The following LAMC3 variants were observed in gnomAD, a reference collection of about 807,000 sequenced individuals.
The protein encoded by LAMC3 is laminin subunit gamma-3.
LAMC3 carries 128 observed loss-of-function variants against 173.8 expected under a neutral mutation model. The observed-to-expected ratio is 0.74, with a 90% CI of 0.64 to 0.85. The LOEUF (loss-of-function observed/expected upper bound fraction) is 0.85, where lower values mean the gene tolerates loss of function less well. LAMC3 is among the 40% of genes least tolerant of loss of function. The pLI is 0.00. For missense variants in LAMC3, 2,022 were observed against 2,156.0 expected (o/e 0.94, Z 1.23); for synonymous variants, 897 against 909.1 (o/e 0.99, Z 0.24).
intron 2 of LAMC3, 49 bp from the exon 3 acceptor site, chr9:131,031,996 A>G (rs1393032070): frequency 1.2e-6 from 2 of 1,613,120 alleles, no homozygotes; most frequent in South Asian, 1.1e-5. Context: ...GGGGGTAAAT[A>G]CTAAATACTC....
At chr9:131,025,405 C>T (rs1833697809) in intron 1 of LAMC3, among the ~76,000 whole-genome samples, 1 of 152,124 alleles carries the variant, frequency 6.6e-6, no homozygotes, top group African/African-American at 2.4e-5. Flanking sequence ...AGGATGCTTC[C>T]AGGGTGGAGC....
chr9:131,065,055 AAAAAG>A (rs1390364907), intron 13 of LAMC3, among the ~76,000 whole-genome samples: 3 of 141,892 alleles, frequency 2.1e-5, no homozygotes, highest in South Asian at 2.4e-4. Flanking sequence ...AAAAAAAAAA[AAAAAG>A]AAAAGGAAAG....
chr9:131,024,563 G>T (rs1833685768), intron 1 of LAMC3, among the ~76,000 whole-genome samples: 1 of 152,160 alleles, frequency 6.6e-6, no homozygotes, highest in South Asian at 2.1e-4. Context: ...TGGGACCAGG[G>T]AAGGAAGGAT....
In LAMC3 at chr9:131,069,866, C is replaced by T; in HGVS notation, c.3069+16C>T. On this transcript the variant is annotated intron_variant, in intron 17 of 27. Transcript: ENST00000361069. ...GAAGGAGGAGGTGAGTCGGCCCAGA[C>T]CCACTCACCTTTCCATTCATTCTGT... is the stretch of plus-strand genomic sequence containing the variant. The T allele has an allele frequency of 6.4e-7, 1 of 1,571,848 alleles. No individual in the cohort carries two copies.
chr9:131,051,199 A>G (rs1362824768), intron 9 of LAMC3, among the ~76,000 whole-genome samples: 2 of 152,152 alleles, frequency 1.3e-5, no homozygotes, highest in Non-Finnish European at 2.9e-5. Flanking sequence ...AATAGGGGGA[A>G]GTACTATTAA....
In LAMC3 at chr9:131,032,040, C is replaced by T. The variant is rs773649632; in HGVS notation, c.679-5C>T. The T allele has an allele frequency of 2.5e-6, 4 of 1,614,082 alleles. No homozygotes were observed. In the Admixed American group the frequency reaches 5.0e-5, roughly 20 times the overall value. On this transcript the variant is annotated splice_polypyrimidine_tract_variant and splice_region_variant and intron_variant, in intron 2 of 27. Coordinates refer to ENST00000361069, the MANE Select transcript of LAMC3 (RefSeq NM_006059.4). The stretch of plus-strand genomic sequence containing the variant: ...GCTGATGGCACCCTCTCCCCTCTGC[C>T]CCAGGAGTGGGTCACCAGCACCGAA...
rs1257344635 is a variant in LAMC3, at chr9:131,091,465, CAG to C, written c.4478-71_4478-70del. ...GGGAGGCCTGAGCTGGGGAGAGGCTCAGGGGCTGGGAGGTGCCCTGGGGCCTG... is the reference window on the plus strand; with the variant it reads ...GGGAGGCCTGAGCTGGGGAGAGGCTCGGGCTGGGAGGTGCCCTGGGGCCTG... On this transcript the variant is annotated intron_variant, in intron 27 of 27. Transcript: ENST00000361069. 9 of 1,543,996 alleles carry C rather than the reference CAG, an allele frequency of 5.8e-6. No homozygotes were observed. The African/African-American group carries it at 9.6e-5, about 16-fold the overall frequency.
At chr9:131,071,255 G>T (rs572335849) in intron 17 of LAMC3, among the ~76,000 whole-genome samples, 14 of 152,174 alleles carry the variant, frequency 9.2e-5, no homozygotes, top group Non-Finnish European at 1.8e-4. Context: ...ACAGCAGTGT[G>T]GTCAGCGGTG....
intron 1 of LAMC3, among the ~76,000 whole-genome samples, chr9:131,021,484 CTG>C (rs1156478555): frequency 6.6e-6 from 1 of 152,142 alleles, no homozygotes; most frequent in Non-Finnish European, 1.5e-5. Context: ...ATATATATAA[CTG>C]TGTAGGGAAA....
At position 131,052,587 on chromosome 9, in the gene LAMC3, G is replaced by A. The variant is rs773561591; in HGVS notation, c.1727G>A (p.Arg576Lys). 6.2e-7 allele frequency: 1 copy of A among 1,614,098 alleles called. No homozygotes were observed. Among genetic ancestry groups the A allele is most frequent in the East Asian group, 2.2e-5 (1 of 44,862 alleles). Residue 576 changes from arginine (R) to lysine (K), a missense_variant, in exon 10 of 28, where the codon AGG (arginine) becomes AAG (lysine). Coordinates refer to ENST00000361069, the MANE Select transcript of LAMC3 (RefSeq NM_006059.4). The stretch of plus-strand genomic sequence containing the variant: ...GACTCCCCACTCCCTGTACAGCTGA[G>A]GCTGGAAGGGACAGGCTTGGCCCTG... ...PGDSPLPVQL[R>K]LEGTGLALSL...
At chr9:131,013,621 A>G (rs1001075725) in intron 1 of LAMC3, among the ~76,000 whole-genome samples, 1 of 152,102 alleles carries the variant, frequency 6.6e-6, no homozygotes, top group Non-Finnish European at 1.5e-5. Flanking sequence ...GAGAACGAGG[A>G]TGTATGCTCA....
chr9:131,023,264 A>T (rs73658907), intron 1 of LAMC3, among the ~76,000 whole-genome samples: 1 of 152,098 alleles, frequency 6.6e-6, no homozygotes, highest in East Asian at 1.9e-4. Context: ...GTGGATGTAT[A>T]TGTTTTCATT....
Position 131,039,187 on chromosome 9 carries a change from A to G in LAMC3, c.1222A>G (p.Thr408Ala). ...TGTCACKPTVTGWKCDRCLPG... is the reference protein window; with the variant it reads ...TGTCACKPTVAGWKCDRCLPG... ...CACCTGCGCCTGCAAGCCCACGGTG[A>G]CTGGCTGGAAGTGTGACCGCTGTCT... The change falls in exon 6 of 28, where the codon ACT (threonine) becomes GCT (alanine). Residue 408 changes from threonine to alanine, a missense_variant. Physicochemically the swap from Thr to Ala is moderately conservative, Grantham distance 58. Transcript: ENST00000361069. 1 of 1,609,944 alleles carries G rather than the reference A, an allele frequency of 6.2e-7. No individual in the cohort carries two copies. The highest frequency in any genetic ancestry group is 8.5e-7 in the Non-Finnish European group (1 of 1,179,992).
intron 2 of LAMC3, among the ~76,000 whole-genome samples, chr9:131,031,385 G>A (rs1051217438): frequency 2.0e-5 from 3 of 152,166 alleles, no homozygotes; most frequent in Non-Finnish European, 4.4e-5. Flanking sequence ...TGCCTGCTAG[G>A]GCCAGGCAGA....
chr9:131,087,880 C>T (rs1190912006), intron 27 of LAMC3, 63 bp downstream of exon 27: 3 of 1,267,566 alleles, frequency 2.4e-6, no homozygotes, highest in Non-Finnish European at 3.4e-6. Flanking sequence ...TAGGATCTTC[C>T]TGTGAGCTCC....
At chr9:131,038,028 C>T (rs7046971) in intron 4 of LAMC3, among the ~76,000 whole-genome samples, 5,134 of 152,316 alleles carry the variant, frequency 0.034, 285 homozygotes, top group African/African-American at 0.12. Flanking sequence ...ATGGCACACC[C>T]GCACCAGGCC....
intron 2 of LAMC3, among the ~76,000 whole-genome samples, chr9:131,028,571 T>C (rs978270512): frequency 1.3e-5 from 2 of 152,174 alleles, no homozygotes; most frequent in Non-Finnish European, 2.9e-5. Context: ...TTGGGTTTAG[T>C]GGTTCGCTAT....
intron 1 of LAMC3, among the ~76,000 whole-genome samples, chr9:131,025,474 G>C (rs531846436): frequency 2.0e-5 from 3 of 152,250 alleles, no homozygotes; most frequent in African/African-American, 4.8e-5. Context: ...GGGGGCATGT[G>C]GGGGAGTGGG....
At chr9:131,034,271 C>T (rs956572222) in intron 3 of LAMC3, among the ~76,000 whole-genome samples, 4 of 152,196 alleles carry the variant, frequency 2.6e-5, no homozygotes, top group Admixed American at 2.0e-4. Context: ...CCCTCCAAGG[C>T]AGGGGCAGTC....
Sources: gnomAD v4.1 joint callset for allele counts (sites outside exome capture counted in the v4.1 genomes callset) on GRCh38, gnomAD v4.1.1 for gene constraint, MANE v1.5 for transcripts, NCBI Gene and HGNC (gene_info 2026-07-23, HGNC 2026-07-21) for gene names.